Variants in BCAS3 observed in about 807,000 individuals in gnomAD.
The protein encoded by BCAS3 is BCAS4/BCAS3 fusion.
BCAS3 carries 53 observed loss-of-function variants against 116.1 expected under a neutral mutation model. The observed-to-expected ratio is 0.46, with a 90% CI of 0.37 to 0.57. The LOEUF (loss-of-function observed/expected upper bound fraction) is 0.57. Among genes scored for constraint, BCAS3 ranks in the 20% least tolerant of loss-of-function variants. The pLI is 0.00. For synonymous variants in BCAS3, 391 were observed against 408.2 expected, an observed-to-expected ratio of 0.96 and a Z score of 0.51; for missense variants, 917 against 1,165.4, an observed-to-expected ratio of 0.79 and a Z score of 3.10.
At chr17:61,268,804 C>A (rs2049983405) in intron 22 of BCAS3, among the ~76,000 whole-genome samples, 1 of 152,126 alleles carries the variant, frequency 6.6e-6, no homozygotes, top group Non-Finnish European at 1.5e-5. Context: ...ATGATCTGCC[C>A]ACCTCAGCCT....
chr17:61,038,193 T>G (rs771373974), intron 18 of BCAS3, 139 bp downstream of exon 18: 224 of 714,268 alleles, frequency 3.1e-4, no homozygotes, highest in Non-Finnish European at 4.5e-4. Context: ...AATACATCAC[T>G]CTCAAATGTT....
At chr17:60,717,886 T>C (rs2038811530) in intron 5 of BCAS3, among the ~76,000 whole-genome samples, 1 of 152,182 alleles carries the variant, frequency 6.6e-6, no homozygotes, top group African/African-American at 2.4e-5. Flanking sequence ...CTCACCATAA[T>C]GTAGAATCAG....
intron 22 of BCAS3, among the ~76,000 whole-genome samples, chr17:61,218,807 A>G (rs187536975): frequency 1.6e-4 from 24 of 152,318 alleles, no homozygotes; most frequent in Admixed American, 1.4e-3. Context: ...CTTTACTTGT[A>G]CCAGTTTAAT....
At chr17:60,989,231 G>A (rs2063367898) in intron 14 of BCAS3, among the ~76,000 whole-genome samples, 1 of 152,050 alleles carries the variant, frequency 6.6e-6, no homozygotes, top group South Asian at 2.1e-4. Context: ...TAGAGGCTAT[G>A]CTTAAAAATG....
intron 5 of BCAS3, among the ~76,000 whole-genome samples, chr17:60,717,682 T>G (rs1162240400): frequency 6.6e-6 from 1 of 152,172 alleles, no homozygotes; most frequent in African/African-American, 2.4e-5. Flanking sequence ...AGTTGGACTT[T>G]TACGGTGAAA....
intron 7 of BCAS3, among the ~76,000 whole-genome samples, chr17:60,808,685 G>A (rs1370219578): frequency 6.6e-6 from 1 of 152,184 alleles, no homozygotes; most frequent in East Asian, 1.9e-4. Context: ...TCAGCACTTT[G>A]CCGGGTGTAG....
rs1013287840 is a variant in BCAS3, at chr17:61,222,069, T to C, written c.2425+137505T>C. ...ATACCTGCTGCTCACTAAGTGTACA[T>C]ATGATCCCTCTGTGTGTTCAAAGTG... On this transcript the variant is annotated intron_variant, in intron 22 of 23. Coordinates refer to ENST00000407086, the MANE Select transcript of BCAS3 (RefSeq NM_017679.5). This position sits in a 1 kb window ranked among gnomAD's most constrained non-coding sequence, Gnocchi z 6.1. 3.3e-5 allele frequency among the ~76,000 whole-genome samples: 5 copies of C among 152,212 alleles called. No individual in the cohort carries two copies. Among genetic ancestry groups the C allele is most frequent in the African/African-American group, 4.8e-5 (2 of 41,446 alleles).
intron 18 of BCAS3, 61 bp downstream of exon 18, chr17:61,038,115 C>A: frequency 6.8e-7 from 1 of 1,469,166 alleles, no homozygotes; most frequent in Non-Finnish European, 9.3e-7. Context: ...AGATTAAAAG[C>A]GTATAATTTG....
intron 22 of BCAS3, among the ~76,000 whole-genome samples, chr17:61,287,612 G>A (rs1439961188): frequency 6.6e-6 from 1 of 152,130 alleles, no homozygotes; most frequent in East Asian, 1.9e-4. Context: ...TACAGTCCCA[G>A]CTACTACTGA....
At chr17:61,264,639 C>T (rs563789062) in intron 22 of BCAS3, among the ~76,000 whole-genome samples, 84 of 152,272 alleles carry the variant, frequency 5.5e-4, no homozygotes, top group South Asian at 1.7e-3. Context: ...AACTCCCAAC[C>T]TCAGATGATC....
At chr17:61,121,217 G>C (rs1038486431) in intron 22 of BCAS3, among the ~76,000 whole-genome samples, 2 of 152,108 alleles carry the variant, frequency 1.3e-5, no homozygotes, top group Admixed American at 1.3e-4. Flanking sequence ...CTGAGAGAGA[G>C]AGCTAGAGAT....
At chr17:61,062,072 T>C (rs543148749) in intron 19 of BCAS3, among the ~76,000 whole-genome samples, 33 of 152,346 alleles carry the variant, frequency 2.2e-4, no homozygotes, top group African/African-American at 7.5e-4. Context: ...CTTCTGTTGA[T>C]ATATATCTGA....
At chr17:60,968,085 T>C (rs781607749) in intron 14 of BCAS3, among the ~76,000 whole-genome samples, 3 of 152,168 alleles carry the variant, frequency 2.0e-5, no homozygotes, top group Non-Finnish European at 4.4e-5. Flanking sequence ...GCTTTGTCCA[T>C]TGGAGAGGTC....
intron 22 of BCAS3, among the ~76,000 whole-genome samples, chr17:61,210,701 T>C (rs1435017299): frequency 6.6e-6 from 1 of 152,108 alleles, no homozygotes; most frequent in Non-Finnish European, 1.5e-5. Context: ...TTAAATAGGA[T>C]CACAAAGTGT....
Position 61,200,627 on chromosome 17 carries a change from C to T in BCAS3, c.2425+116063C>T, listed in dbSNP as rs985911716. ...AGCGTATTTCTTTTGATTATCAATG[C>T]GGGTGGTAGTGAGGTATCCTCAGCT... On this transcript the variant is annotated intron_variant, in intron 22 of 23. Transcript: ENST00000407086. This position sits in a 1 kb window ranked among gnomAD's most constrained non-coding sequence, Gnocchi z 5.1. Among the ~76,000 whole-genome samples, 18 of 152,230 alleles carry T rather than the reference C, an allele frequency of 1.2e-4. No homozygotes were observed. Among genetic ancestry groups the T allele is most frequent in the Admixed American group, 2.0e-4 (3 of 15,284 alleles).
At chr17:60,790,643 A>G (rs1230785602) in intron 6 of BCAS3, among the ~76,000 whole-genome samples, 1 of 152,088 alleles carries the variant, frequency 6.6e-6, no homozygotes, top group Non-Finnish European at 1.5e-5. Context: ...CTACATTATC[A>G]CAGATTTGTT....
At chr17:61,047,081 A>C (rs899587723) in intron 19 of BCAS3, among the ~76,000 whole-genome samples, 3 of 152,026 alleles carry the variant, frequency 2.0e-5, no homozygotes, top group African/African-American at 7.2e-5. Context: ...TTCTTATGTA[A>C]CCTTAATATA....
rs1339819417 is a variant in BCAS3, at chr17:61,282,332, T to C, written c.2426-85995T>C. 6.6e-6 allele frequency among the ~76,000 whole-genome samples: 1 copy of C among 152,184 alleles called. No individual in the cohort carries two copies. The highest frequency in any genetic ancestry group is 1.9e-4 in the East Asian group (1 of 5,196). On this transcript the variant is annotated intron_variant, in intron 22 of 23. Transcript: ENST00000407086. This position sits in a 1 kb window ranked among gnomAD's most constrained non-coding sequence, Gnocchi z 5.9. ...ATGAGAAGGCTTTCCTGAGCCTTGG[T>C]TGGGAGCTGAATGAGAAGGGGCAAT... is the stretch of plus-strand genomic sequence containing the variant.
chr17:60,893,963 G>A lies in BCAS3; in HGVS notation c.738+4192G>A, dbSNP rs551308064. Among the ~76,000 whole-genome samples, 160 of 152,180 alleles carry A rather than the reference G, an allele frequency of 1.1e-3. 2 individuals are homozygous for A. The highest frequency in any genetic ancestry group is 1.2e-3 in the Non-Finnish European group (85 of 68,006). On this transcript the variant is annotated intron_variant, in intron 10 of 23. Coordinates refer to ENST00000407086, the MANE Select transcript of BCAS3 (RefSeq NM_017679.5). ...CTGTTTTAGTTACTGCAGCCTTGTA[G>A]TATAGTTTGAAATCAGGCAGTGTGA...
Sources: allele counts gnomAD v4.1 joint callset (sites outside exome capture counted in the v4.1 genomes callset), GRCh38; gene constraint gnomAD v4.1.1; non-coding constraint Gnocchi (gnomAD v3.1); transcripts MANE v1.5; gene names NCBI Gene and HGNC (gene_info 2026-07-23, HGNC 2026-07-21).